SLC35F6: variants seen among roughly 807,000 people sequenced by gnomAD.
SLC35F6 encodes ANT2-binding protein.
SLC35F6 carries 26 observed loss-of-function variants against 29.4 expected under a neutral mutation model. That is an observed-to-expected ratio of 0.89 (90% CI 0.65 to 1.23). The LOEUF (loss-of-function observed/expected upper bound fraction) is 1.23. Ranked by LOEUF, SLC35F6 falls within the 50% of genes most tolerant of loss-of-function variation. The pLI is 0.00. For missense variants in SLC35F6, 428 were observed against 487.8 expected, an observed-to-expected ratio of 0.88 and a Z score of 1.15; for synonymous variants, 174 against 206.6, an observed-to-expected ratio of 0.84 and a Z score of 1.35.
chr2:26,766,569 A>C (rs1226673661), intron 1 of SLC35F6, among the ~76,000 whole-genome samples: 1 of 151,596 alleles, frequency 6.6e-6, no homozygotes, highest in Non-Finnish European at 1.5e-5. Flanking sequence ...CTGCCCTCCA[A>C]CCTGGGTGAC....
rs1319299033 is a variant in SLC35F6, at chr2:26,779,025, C to T, written c.*514C>T. 3.3e-5 allele frequency: 5 copies of T among 152,526 alleles called. No individual in the cohort carries two copies. Among genetic ancestry groups the T allele is most frequent in the Admixed American group, 3.3e-4 (5 of 15,276 alleles). 9.4% of individuals were successfully genotyped at this position (152,526 alleles called of 1,614,324 possible). A position where few individuals can be genotyped will look rare whatever the true frequency, so the allele number is the denominator to read the frequency against. ...CGATCTCGGCGGCTCACTACAACCTCTGCCTCCCAGGTTCAAATGATTCTC... is the reference window on the plus strand; with the variant it reads ...CGATCTCGGCGGCTCACTACAACCTTTGCCTCCCAGGTTCAAATGATTCTC... On this transcript the variant is annotated 3_prime_UTR_variant, in exon 6 of 6. Transcript: ENST00000344420.
At chr2:26,776,555 G>C in intron 5 of SLC35F6, 73 bp downstream of exon 5, 1 of 1,402,010 alleles carries the variant, frequency 7.1e-7, no homozygotes, top group Non-Finnish European at 1.0e-6. Flanking sequence ...AGGACAAGGT[G>C]CCAGGGTTCA....
chr2:26,774,187 A>G (rs1664255222), intron 1 of SLC35F6, 64 bp from the exon 2 acceptor site: 1 of 1,596,018 alleles, frequency 6.3e-7, no homozygotes, highest in Admixed American at 1.7e-5. Context: ...GAGAGGTGTG[A>G]GCCTCTTCAC....
Position 26,764,314 on chromosome 2 carries a change from C to A in SLC35F6, c.-36C>A. 6.5e-7 allele frequency: 1 copy of A among 1,546,540 alleles called. No individual in the cohort carries two copies. Among genetic ancestry groups the A allele is most frequent in the Non-Finnish European group, 8.7e-7 (1 of 1,145,128 alleles). ...GGAGACCCCGGGTGACGGGGCCCGG[C>A]GCCGCTAACTGGAGCGAACCCCAGC... On this transcript the variant is annotated 5_prime_UTR_variant, in exon 1 of 6. Coordinates refer to ENST00000344420, the MANE Select transcript of SLC35F6 (RefSeq NM_017877.4).
rs1169251796 is a variant in SLC35F6 at position 26,778,162 on chromosome 2, T to G, written c.767T>G (p.Val256Gly). Residue 256 changes from valine (V) to glycine (G), a missense_variant, in exon 6 of 6, where the codon GTG becomes GGG. Transcript: ENST00000344420. ...GATGCATTGGACGCCTTCTGCCAGG[T>G]GGGCCAGCAGCCGCTCATTGCCGTG... ...LEDALDAFCQ[V>G]GQQPLIAVAL... The G allele has an allele frequency of 6.2e-7, 1 of 1,614,040 alleles. No homozygotes were observed. Among genetic ancestry groups the G allele is most frequent in the African/African-American group, 1.3e-5 (1 of 74,914 alleles).
chr2:26,764,793 A>G, intron 1 of SLC35F6: 1 of 985,292 alleles, frequency 1.0e-6, no homozygotes, highest in Non-Finnish European at 1.2e-6. Flanking sequence ...GAGCCGCAGT[A>G]GTGGCTGTGC....
At chr2:26,776,340 C>T (rs749053570) in intron 4 of SLC35F6, 32 bp from the exon 5 acceptor site, 15 of 1,606,684 alleles carry the variant, frequency 9.3e-6, no homozygotes, top group Non-Finnish European at 1.0e-5. Context: ...CAGTGCAGCC[C>T]TGTTCTCATC....
In SLC35F6 at chr2:26,778,777, G is replaced by C. The variant is rs146903158; in HGVS notation, c.*266G>C. 4.2e-5 allele frequency: 19 copies of C among 454,610 alleles called. No homozygotes were observed. Among genetic ancestry groups the C allele is most frequent in the Non-Finnish European group, 7.0e-5 (18 of 257,848 alleles). 28.2% of individuals were successfully genotyped at this position (454,610 alleles called of 1,614,324 possible). A position where few individuals can be genotyped will look rare whatever the true frequency, so the allele number is the denominator to read the frequency against. On this transcript the variant is annotated 3_prime_UTR_variant, in exon 6 of 6. Coordinates refer to ENST00000344420, the MANE Select transcript of SLC35F6 (RefSeq NM_017877.4). The stretch of plus-strand genomic sequence containing the variant: ...TCTCTGGACCCCTCCTACAGCACTA[G>C]AGCTAAATCATGAAGTTGAATTGTA...
chr2:26,766,910 A>G (rs1167729213), intron 1 of SLC35F6, among the ~76,000 whole-genome samples: 2 of 152,178 alleles, frequency 1.3e-5, no homozygotes, highest in Non-Finnish European at 2.9e-5. Flanking sequence ...TCTAGCATCC[A>G]TGCTCTTAAC....
intron 1 of SLC35F6, among the ~76,000 whole-genome samples, chr2:26,769,291 G>A (rs945797275): frequency 6.6e-6 from 1 of 152,220 alleles, no homozygotes; most frequent in Non-Finnish European, 1.5e-5. Flanking sequence ...CCAGCACGGA[G>A]AGCCTACTCC....
At chr2:26,769,766 G>A (rs1572631555) in intron 1 of SLC35F6, among the ~76,000 whole-genome samples, 2 of 152,204 alleles carry the variant, frequency 1.3e-5, no homozygotes, top group African/African-American at 2.4e-5. Flanking sequence ...CTGGGGCCAC[G>A]CTGAACCCAA....
At chr2:26,776,568 T>TG (rs1664304887) in intron 5 of SLC35F6, 86 bp downstream of exon 5, 2 of 1,237,870 alleles carry the variant, frequency 1.6e-6, no homozygotes, top group Non-Finnish European at 2.3e-6. Context: ...AGGGTTCACT[T>TG]GTGGGGGGTG....
intron 1 of SLC35F6, among the ~76,000 whole-genome samples, chr2:26,770,321 A>G (rs937021453): frequency 2.0e-5 from 3 of 152,150 alleles, no homozygotes; most frequent in Non-Finnish European, 4.4e-5. Flanking sequence ...TGAGAGGATC[A>G]TATGAGCCTT....
intron 1 of SLC35F6, among the ~76,000 whole-genome samples, chr2:26,771,167 C>G (rs915752866): frequency 6.6e-6 from 1 of 152,222 alleles, no homozygotes; most frequent in African/African-American, 2.4e-5. Context: ...GTCAGCTCCC[C>G]AAGAAGCGCC....
intron 1 of SLC35F6, among the ~76,000 whole-genome samples, chr2:26,766,631 C>G (rs1447279144): frequency 1.3e-5 from 2 of 152,054 alleles, no homozygotes; most frequent in African/African-American, 4.8e-5. Context: ...ACATTTTTGA[C>G]CCACGATTTC....
At chr2:26,773,639 A>G (rs1407942349) in intron 1 of SLC35F6, among the ~76,000 whole-genome samples, 1 of 145,286 alleles carries the variant, frequency 6.9e-6, no homozygotes, top group Non-Finnish European at 1.5e-5. Flanking sequence ...CTGAGACAGG[A>G]TCTTGCTCCA....
chr2:26,766,425 G>T (rs1235444848), intron 1 of SLC35F6, among the ~76,000 whole-genome samples: 2 of 152,110 alleles, frequency 1.3e-5, no homozygotes, highest in Non-Finnish European at 2.9e-5. Flanking sequence ...TGGTGAAACT[G>T]CATCTCTACT....
chr2:26,765,738 C>A (rs1664086082), intron 1 of SLC35F6, among the ~76,000 whole-genome samples: 1 of 152,214 alleles, frequency 6.6e-6, no homozygotes, highest in South Asian at 2.1e-4. Context: ...CCAACTGTGC[C>A]TTGTGGAGAA....
At chr2:26,764,866 C>T (rs1371812104) in intron 1 of SLC35F6, 2 of 985,186 alleles carry the variant, frequency 2.0e-6, no homozygotes, top group Non-Finnish European at 2.4e-6. Context: ...CCCCACGGCC[C>T]CTCAAGGATG....
Sources: allele counts gnomAD v4.1 joint callset (sites outside exome capture counted in the v4.1 genomes callset), GRCh38; gene constraint gnomAD v4.1.1; transcripts MANE v1.5; gene names NCBI Gene and HGNC (gene_info 2026-07-23, HGNC 2026-07-21).